The following OR4B1 variants were observed in gnomAD, a reference collection of about 807,000 sequenced individuals.
OR4B1 encodes olfactory receptor family 4 subfamily B member 1, also known as olfactory receptor 4B1.
For missense variants in OR4B1, 520 were observed against 370.7 expected (o/e 1.40, Z -3.31); for synonymous variants, 196 against 141.2 (o/e 1.39, Z -2.75).
At position 48,216,932 on chromosome 11, in the gene OR4B1, C is replaced by A; in HGVS notation, c.123C>A (p.Gly41=). The A allele has an allele frequency of 1.9e-6, 3 of 1,614,000 alleles. No individual in the cohort carries two copies. The highest frequency in any genetic ancestry group is 2.5e-6 in the Non-Finnish European group (3 of 1,179,932). The change falls in exon 1 of 1, where the codon GGC becomes GGA. Residue 41 remains glycine, a synonymous_variant. Coordinates refer to ENST00000309562, the MANE Select transcript of OR4B1 (RefSeq NM_001005470.1). ...PVYLATVVGN[G]LIVLTVSISK... ...ACCTTGCCACGGTGGTGGGCAATGG[C>A]CTCATCGTTCTGACGGTCAGTATCA...
In OR4B1 at chr11:48,217,266, C is replaced by T; in HGVS notation, c.457C>T (p.His153Tyr). ...VAGSWLGGFC[H>Y]SIIQILVIIQ... ...TGGTTCCTGGCTGGGGGGCTTTTGT[C>T]ACTCCATAATTCAGATTCTCGTTAT... The change falls in exon 1 of 1, where the codon CAC (histidine) becomes TAC (tyrosine). Residue 153 changes from histidine (H) to tyrosine (Y), a missense_variant. By Grantham distance (83) the His-to-Tyr change is moderately conservative. Coordinates refer to ENST00000309562, the MANE Select transcript of OR4B1 (RefSeq NM_001005470.1). 6.2e-7 allele frequency: 1 copy of T among 1,614,122 alleles called. No individual in the cohort carries two copies. Among genetic ancestry groups the T allele is most frequent in the South Asian group, 1.1e-5 (1 of 91,082 alleles).
Position 48,217,039 on chromosome 11 carries a change from C to G in OR4B1, c.230C>G (p.Pro77Arg). 9.3e-6 allele frequency: 15 copies of G among 1,614,020 alleles called. No individual in the cohort carries two copies. The highest frequency in any genetic ancestry group is 1.2e-5 in the Non-Finnish European group (14 of 1,179,902). Residue 77 changes from proline to arginine, a missense_variant, in exon 1 of 1, where the codon CCT becomes CGT. By Grantham distance (103) the Pro-to-Arg change is moderately radical (BLOSUM62 -2). Coordinates refer to ENST00000309562, the MANE Select transcript of OR4B1 (RefSeq NM_001005470.1). Reference sequence around the variant, plus strand: ...ATCAGTTATTCCTCCACTATCGCCCCTAAATTCATCATAGACTTACTTGCC... The same window carrying G: ...ATCAGTTATTCCTCCACTATCGCCCGTAAATTCATCATAGACTTACTTGCC... ...VEISYSSTIAPKFIIDLLAKI... is the reference protein window; with the variant it reads ...VEISYSSTIARKFIIDLLAKI...
rs759491167 is a variant in OR4B1 at position 48,217,259 on chromosome 11, C to T, written c.450C>T (p.Gly150=). The change falls in exon 1 of 1, where the codon GGC becomes GGT. Residue 150 remains glycine (G), a synonymous_variant. Transcript: ENST00000309562. ...TGGTGGCTGGTTCCTGGCTGGGGGG[C>T]TTTTGTCACTCCATAATTCAGATTC... ...HLLVAGSWLG[G]FCHSIIQILV... The T allele has an allele frequency of 1.9e-6, 3 of 1,614,088 alleles. No individual in the cohort carries two copies. The East Asian group carries it at 6.7e-5, about 36-fold the overall frequency.
rs201507448 is a variant in OR4B1, at chr11:48,217,644, A to T, written c.835A>T (p.Met279Leu). 2 of 1,610,508 alleles carry T rather than the reference A, an allele frequency of 1.2e-6. No individual in the cohort carries two copies. The highest frequency in any genetic ancestry group is 1.7e-5 in the Admixed American group (1 of 59,992). The change falls in exon 1 of 1, where the codon ATG becomes TTG. Residue 279 changes from methionine to leucine, a missense_variant. Met to Leu is a conservative substitution (Grantham distance 15). Transcript: ENST00000309562. ...VAVFYTVITP[M>L]LNPIIYTLRN... ...TGTATTCTACACGGTCATCACCCCC[A>T]TGCTGAACCCCATCATTTACACACT...
In OR4B1 at chr11:48,217,531, A is replaced by T. The variant is rs1427525992; in HGVS notation, c.722A>T (p.His241Leu). 1 of 1,613,956 alleles carries T rather than the reference A, an allele frequency of 6.2e-7. No homozygotes were observed. Among genetic ancestry groups the T allele is most frequent in the Non-Finnish European group, 8.5e-7 (1 of 1,180,000 alleles). The change falls in exon 1 of 1, where the codon CAC (histidine) becomes CTC (leucine). Residue 241 changes from histidine to leucine, a missense_variant. Transcript: ENST00000309562. ...AAAGCCCTCTCCACCTGTGCTTCTC[A>T]CATCACAGTGGTCATCTTGTTTTTT... ...RHKALSTCAS[H>L]ITVVILFFGP...
chr11:48,217,126 G>C lies in OR4B1; in HGVS notation c.317G>C (p.Gly106Ala). The C allele has an allele frequency of 6.2e-7, 1 of 1,614,030 alleles. No homozygotes were observed. The highest frequency in any genetic ancestry group is 8.5e-7 in the Non-Finnish European group (1 of 1,179,964). ...LTQIFFFHFF[G>A]VAEILLIVVM... Reference sequence around the variant, plus strand: ...CAGATATTCTTCTTCCACTTCTTTGGGGTTGCTGAGATCCTTTTGATTGTG... The same window carrying C: ...CAGATATTCTTCTTCCACTTCTTTGCGGTTGCTGAGATCCTTTTGATTGTG... The change falls in exon 1 of 1, where the codon GGG becomes GCG. Residue 106 changes from glycine (G) to alanine (A), a missense_variant. Coordinates refer to ENST00000309562, the MANE Select transcript of OR4B1 (RefSeq NM_001005470.1).
In OR4B1 at chr11:48,217,560, C is replaced by T; in HGVS notation, c.751C>T (p.Pro251Ser). ...CACAGTGGTCATCTTGTTTTTTGGACCTGCTATCTTCCTCTACATGCGACC... is the reference window on the plus strand; with the variant it reads ...CACAGTGGTCATCTTGTTTTTTGGATCTGCTATCTTCCTCTACATGCGACC... ...HITVVILFFG[P>S]AIFLYMRPSS... The change falls in exon 1 of 1, where the codon CCT becomes TCT. Residue 251 changes from proline to serine, a missense_variant. Transcript: ENST00000309562. 6.2e-7 allele frequency: 1 copy of T among 1,614,148 alleles called. No homozygotes were observed.
chr11:48,217,299 T>C lies in OR4B1; in HGVS notation c.490T>C (p.Leu164=). 6.2e-7 allele frequency: 1 copy of C among 1,614,182 alleles called. No homozygotes were observed. The highest frequency in any genetic ancestry group is 8.5e-7 in the Non-Finnish European group (1 of 1,180,018). ...SIIQILVIIQ[L]PFCGPNVIDH... is the part of the protein sequence containing the mutation. ...AATTCAGATTCTCGTTATCATCCAA[T>C]TGCCCTTCTGTGGTCCCAATGTGAT... The change falls in exon 1 of 1, where the codon TTG becomes CTG. Residue 164 remains leucine, a synonymous_variant. Transcript: ENST00000309562.
Position 48,217,259 on chromosome 11 carries a change from C to G in OR4B1, c.450C>G (p.Gly150=), listed in dbSNP as rs759491167. The G allele has an allele frequency of 1.7e-5, 27 of 1,613,970 alleles. No individual in the cohort carries two copies. In the Admixed American group the frequency reaches 4.5e-4, roughly 27 times the overall value. The change falls in exon 1 of 1, where the codon GGC becomes GGG. Residue 150 remains glycine, a synonymous_variant. Coordinates refer to ENST00000309562, the MANE Select transcript of OR4B1 (RefSeq NM_001005470.1). ...HLLVAGSWLG[G]FCHSIIQILV... is the part of the protein sequence containing the mutation. ...TGGTGGCTGGTTCCTGGCTGGGGGGCTTTTGTCACTCCATAATTCAGATTC... is the reference window on the plus strand; with the variant it reads ...TGGTGGCTGGTTCCTGGCTGGGGGGGTTTTGTCACTCCATAATTCAGATTC...
At position 48,217,002 on chromosome 11, in the gene OR4B1, T is replaced by C. The variant is rs771130172; in HGVS notation, c.193T>C (p.Ser65Pro). 1 of 1,613,956 alleles carries C rather than the reference T, an allele frequency of 6.2e-7. No homozygotes were observed. The highest frequency in any genetic ancestry group is 8.5e-7 in the Non-Finnish European group (1 of 1,179,942). ...SPMYFFLSCLSLVEISYSSTI... is the reference protein window; with the variant it reads ...SPMYFFLSCLPLVEISYSSTI... ...CATGTACTTCTTCCTTAGCTGCCTG[T>C]CCTTGGTGGAGATCAGTTATTCCTC... The change falls in exon 1 of 1, where the codon TCC becomes CCC. Residue 65 changes from serine (S) to proline (P), a missense_variant. Physicochemically the swap from Ser to Pro is moderately conservative, Grantham distance 74 (BLOSUM62 -1). Coordinates refer to ENST00000309562, the MANE Select transcript of OR4B1 (RefSeq NM_001005470.1).
rs756094481 is a variant in OR4B1, at chr11:48,217,686, A to G, written c.877A>G (p.Lys293Glu). The G allele has an allele frequency of 1.3e-5, 21 of 1,604,378 alleles. 2 individuals carry two copies. In the South Asian group the frequency reaches 2.0e-4, roughly 15 times the overall value. Residue 293 changes from lysine to glutamate, a missense_variant, in exon 1 of 1, where the codon AAA (lysine) becomes GAA (glutamate). By Grantham distance (56) the Lys-to-Glu change is moderately conservative (BLOSUM62 1). Coordinates refer to ENST00000309562, the MANE Select transcript of OR4B1 (RefSeq NM_001005470.1). ...IIYTLRNAEV[K>E]IAIRRLWSKK... Reference sequence around the variant, plus strand: ...TTACACACTCAGGAATGCAGAGGTGAAAATCGCCATAAGAAGATTGTGGAG... The same window carrying G: ...TTACACACTCAGGAATGCAGAGGTGGAAATCGCCATAAGAAGATTGTGGAG...
In OR4B1 at chr11:48,216,978, A is replaced by G; in HGVS notation, c.169A>G (p.Met57Val). Residue 57 changes from methionine to valine, a missense_variant, in exon 1 of 1, where the codon ATG becomes GTG. By Grantham distance (21) the Met-to-Val change is conservative. Coordinates refer to ENST00000309562, the MANE Select transcript of OR4B1 (RefSeq NM_001005470.1). ...VSISKSLDSP[M>V]YFFLSCLSLV... ...TATCAGCAAGAGTCTGGATTCTCCC[A>G]TGTACTTCTTCCTTAGCTGCCTGTC... is the stretch of plus-strand genomic sequence containing the variant. The G allele has an allele frequency of 1.2e-6, 2 of 1,614,140 alleles. No individual in the cohort carries two copies. Among genetic ancestry groups the G allele is most frequent in the South Asian group, 1.1e-5 (1 of 91,084 alleles).
At position 48,217,314 on chromosome 11, in the gene OR4B1, C is replaced by T. The variant is rs1858643349; in HGVS notation, c.505C>T (p.Pro169Ser). The change falls in exon 1 of 1, where the codon CCC (proline) becomes TCC (serine). Residue 169 changes from proline (P) to serine (S), a missense_variant. Pro to Ser is a moderately conservative substitution (Grantham distance 74). Transcript: ENST00000309562. ...LVIIQLPFCG[P>S]NVIDHYFCDL... is the part of the protein sequence containing the mutation. ...TATCATCCAATTGCCCTTCTGTGGT[C>T]CCAATGTGATTGACCACTATTTCTG... The T allele has an allele frequency of 1.2e-6, 2 of 1,614,138 alleles. No individual in the cohort carries two copies. The highest frequency in any genetic ancestry group is 1.3e-5 in the African/African-American group (1 of 75,036).
In OR4B1 at chr11:48,217,350, C is replaced by G. The variant is rs1056307614; in HGVS notation, c.541C>G (p.Pro181Ala). The G allele has an allele frequency of 1.2e-6, 2 of 1,614,136 alleles. No individual in the cohort carries two copies. The highest frequency in any genetic ancestry group is 8.5e-7 in the Non-Finnish European group (1 of 1,180,018). Residue 181 changes from proline (P) to alanine (A), a missense_variant, in exon 1 of 1, where the codon CCT becomes GCT. Pro to Ala is a conservative substitution (Grantham distance 27). Coordinates refer to ENST00000309562, the MANE Select transcript of OR4B1 (RefSeq NM_001005470.1). ...VIDHYFCDLQ[P>A]LFKLACTDTF... ...TGACCACTATTTCTGTGACCTCCAG[C>G]CTTTATTCAAGCTTGCCTGCACTGA...
At position 48,217,275 on chromosome 11, in the gene OR4B1, A is replaced by T. The variant is rs757542566; in HGVS notation, c.466A>T (p.Ile156Phe). The T allele has an allele frequency of 5.0e-6, 8 of 1,614,004 alleles. No individual in the cohort carries two copies. The South Asian group carries it at 8.8e-5, about 18-fold the overall frequency. Residue 156 changes from isoleucine to phenylalanine, a missense_variant, in exon 1 of 1, where the codon ATT becomes TTT. Coordinates refer to ENST00000309562, the MANE Select transcript of OR4B1 (RefSeq NM_001005470.1). The stretch of plus-strand genomic sequence containing the variant: ...GCTGGGGGGCTTTTGTCACTCCATA[A>T]TTCAGATTCTCGTTATCATCCAATT... ...SWLGGFCHSIIQILVIIQLPF... is the reference protein window; with the variant it reads ...SWLGGFCHSIFQILVIIQLPF...
chr11:48,217,153 T>A lies in OR4B1; in HGVS notation c.344T>A (p.Val115Glu). The change falls in exon 1 of 1, where the codon GTG becomes GAG. Residue 115 changes from valine to glutamate, a missense_variant. By Grantham distance (121) the Val-to-Glu change is moderately radical. Transcript: ENST00000309562. Reference protein sequence around the residue: ...FGVAEILLIVVMAYDCYVAIC... With the variant: ...FGVAEILLIVEMAYDCYVAIC... ...GTTGCTGAGATCCTTTTGATTGTGG[T>A]GATGGCCTATGATTGCTACGTGGCC... 7 of 1,614,114 alleles carry A rather than the reference T, an allele frequency of 4.3e-6. No homozygotes were observed. Among genetic ancestry groups the A allele is most frequent in the Non-Finnish European group, 5.9e-6 (7 of 1,179,968 alleles).
chr11:48,217,476 T>C lies in OR4B1; in HGVS notation c.667T>C (p.Leu223=), dbSNP rs1360447292. The part of the protein sequence containing the change: ...VSSYIVILVN[L]RNHSAEGRHK... ...CTCTTATATTGTCATTCTGGTCAACTTGAGGAACCATTCTGCAGAGGGGAG... is the reference window on the plus strand; with the variant it reads ...CTCTTATATTGTCATTCTGGTCAACCTGAGGAACCATTCTGCAGAGGGGAG... Residue 223 remains leucine, a synonymous_variant, in exon 1 of 1, where the codon TTG becomes CTG. Transcript: ENST00000309562. 19 of 1,614,158 alleles carry C rather than the reference T, an allele frequency of 1.2e-5. No homozygotes were observed. Among genetic ancestry groups the C allele is most frequent in the Admixed American group, 1.7e-5 (1 of 59,990 alleles).
At position 48,217,427 on chromosome 11, in the gene OR4B1, C is replaced by G. The variant is rs372236234; in HGVS notation, c.618C>G (p.Val206=). The change falls in exon 1 of 1, where the codon GTC becomes GTG. Residue 206 remains valine, a synonymous_variant. Transcript: ENST00000309562. ...IVLANSGLFS[V]FSFLILVSSY... Reference sequence around the variant, plus strand: ...TGGCCAACAGTGGATTATTCTCTGTCTTCTCCTTCCTCATCTTGGTGTCCT... The same window carrying G: ...TGGCCAACAGTGGATTATTCTCTGTGTTCTCCTTCCTCATCTTGGTGTCCT... The G allele has an allele frequency of 1.1e-5, 17 of 1,614,104 alleles. 1 individual carries two copies. The South Asian group carries it at 1.9e-4, about 18-fold the overall frequency.
In OR4B1 at chr11:48,217,095, C is replaced by G; in HGVS notation, c.286C>G (p.Leu96Val). 6.2e-7 allele frequency: 1 copy of G among 1,614,166 alleles called. No homozygotes were observed. Among genetic ancestry groups the G allele is most frequent in the South Asian group, 1.1e-5 (1 of 91,070 alleles). Residue 96 changes from leucine to valine, a missense_variant, in exon 1 of 1, where the codon CTG becomes GTG. Transcript: ENST00000309562. ...TAAAACCATCTCTCTGGAAGGCTGT[C>G]TGACTCAGATATTCTTCTTCCACTT... ...KIKTISLEGCLTQIFFFHFFG... is the reference protein window; with the variant it reads ...KIKTISLEGCVTQIFFFHFFG...
Sources: allele counts gnomAD v4.1 joint callset, GRCh38; gene constraint gnomAD v4.1.1; transcripts MANE v1.5; gene names NCBI Gene and HGNC (gene_info 2026-07-23, HGNC 2026-07-21).